The following YIPF5 variants were observed in gnomAD, a reference collection of about 807,000 sequenced individuals.
The protein encoded by YIPF5 is protein YIPF5.
YIPF5 carries 8 observed loss-of-function variants against 30.4 expected under a neutral mutation model. The ratio of observed to expected loss-of-function variants is 0.26; its 90% CI spans 0.15 to 0.47. YIPF5 has a LOEUF of 0.47. Ranked by LOEUF, YIPF5 falls within the 20% of genes least tolerant of loss-of-function variation. The pLI is 0.99. For missense variants in YIPF5, 282 were observed against 301.8 expected (o/e 0.93, Z 0.49); for synonymous variants, 104 against 107.9 (o/e 0.96, Z 0.23).
chr5:144,159,769 T>C lies in YIPF5; in HGVS notation c.*628A>G, dbSNP rs987233984. 4 of 810,372 alleles carry C rather than the reference T, an allele frequency of 4.9e-6. No individual in the cohort carries two copies. The highest frequency in any genetic ancestry group is 5.9e-6 in the Non-Finnish European group (4 of 677,274). The allele number at this position is 810,372 out of a possible 1,614,324, so 50.2% of individuals were successfully genotyped here. A position where few individuals can be genotyped will look rare whatever the true frequency, so the allele number is the denominator to read the frequency against. ...ACCCAGGCTGGATGGAGTGCAGTGG[T>C]GTGATCTCGGCTCACTGCAAGCTCC... is the stretch of plus-strand genomic sequence containing the variant. On this transcript the variant is annotated 3_prime_UTR_variant, in exon 6 of 6. Transcript: ENST00000274496.
chr5:144,159,126 G>A lies in YIPF5; in HGVS notation c.*1271C>T. ...ACAATAAAATAATGTAACTCAAACT[G>A]CTCATTTAATCCCCTTTTTGTCTGA... On this transcript the variant is annotated 3_prime_UTR_variant, in exon 6 of 6. Transcript: ENST00000274496. The A allele has an allele frequency of 1.0e-6, 1 of 982,794 alleles. No individual in the cohort carries two copies. The allele number at this position is 982,794 out of a possible 1,614,324, so 60.9% of individuals were successfully genotyped here. A position where few individuals can be genotyped will look rare whatever the true frequency, so the allele number is the denominator to read the frequency against.
At chr5:144,160,926 A>G (rs1254534519) in intron 5 of YIPF5, among the ~76,000 whole-genome samples, 2 of 152,200 alleles carry the variant, frequency 1.3e-5, no homozygotes, top group Non-Finnish European at 2.9e-5. Context: ...TACATAAGAT[A>G]TAAGTAGCAC....
chr5:144,165,509 G>C lies in YIPF5; in HGVS notation c.206C>G (p.Pro69Arg). Residue 69 changes from proline (P) to arginine (R), a missense_variant, in exon 3 of 6, where the codon CCA (proline) becomes CGA (arginine). Pro to Arg is a moderately radical substitution (Grantham distance 103). Coordinates refer to ENST00000274496, the MANE Select transcript of YIPF5 (RefSeq NM_030799.9). The stretch of plus-strand genomic sequence containing the variant: ...TGAAGCTGGAGTATATGCCTGAGTT[G>C]GCTGGTAAATCTGCCCGGTGTATGG... ...QQPYTGQIYQ[P>R]TQAYTPASPQ... 6.2e-7 allele frequency: 1 copy of C among 1,614,144 alleles called. No individual in the cohort carries two copies.
In YIPF5 at chr5:144,164,977, T is replaced by A. The variant is rs559730484; in HGVS notation, c.283+455A>T. On this transcript the variant is annotated intron_variant, in intron 3 of 5. Coordinates refer to ENST00000274496, the MANE Select transcript of YIPF5 (RefSeq NM_030799.9). ...ATGTGTGCATTTCTTCTGAGGAGAG[T>A]GTTCATACCTTTCATTAGATTTTCA... Among the ~76,000 whole-genome samples the A allele has an allele frequency of 5.3e-5, 8 of 152,118 alleles. No homozygotes were observed. In the East Asian group the frequency reaches 1.5e-3, roughly 29 times the overall value.
At chr5:144,168,933 G>C (rs964030878) in intron 2 of YIPF5, among the ~76,000 whole-genome samples, 1 of 152,076 alleles carries the variant, frequency 6.6e-6, no homozygotes, top group Non-Finnish European at 1.5e-5. Context: ...TTCAAATTCG[G>C]GATCCATGAT....
Position 144,160,578 on chromosome 5 carries a change from A to G in YIPF5, c.612-19T>C. The G allele has an allele frequency of 6.3e-7, 1 of 1,589,952 alleles. No homozygotes were observed. The highest frequency in any genetic ancestry group is 1.4e-5 in the African/African-American group (1 of 73,828). ...CATTCCTCTGTAAACAACAAGGAAA[A>G]AGGGGGGAGAAGAAAAAAAAGCAGA... On this transcript the variant is annotated intron_variant, in intron 5 of 5. Coordinates refer to ENST00000274496, the MANE Select transcript of YIPF5 (RefSeq NM_030799.9).
chr5:144,160,252 GA>G lies in YIPF5; in HGVS notation c.*144del. 1 of 1,473,842 alleles carries G rather than the reference GA, an allele frequency of 6.8e-7. No homozygotes were observed. Among genetic ancestry groups the G allele is most frequent in the Non-Finnish European group, 9.0e-7 (1 of 1,114,532 alleles). The allele number at this position is 1,473,842 out of a possible 1,614,324, so 91.3% of individuals were successfully genotyped here. A position where few individuals can be genotyped will look rare whatever the true frequency, so the allele number is the denominator to read the frequency against. ...GCAAAAGTTCTATAAAAATGAACAA[GA>G]GATACACGTTTACTTTCATTGCTCC... On this transcript the variant is annotated 3_prime_UTR_variant, in exon 6 of 6. Transcript: ENST00000274496.
At chr5:144,166,484 C>T (rs1312551600) in intron 2 of YIPF5, among the ~76,000 whole-genome samples, 20 of 152,102 alleles carry the variant, frequency 1.3e-4, no homozygotes, top group Admixed American at 1.3e-3. Flanking sequence ...AAAAGATATT[C>T]TTAAAAATGA....
intron 4 of YIPF5, 58 bp downstream of exon 4, chr5:144,164,053 T>C: frequency 1.3e-6 from 2 of 1,588,710 alleles, no homozygotes; most frequent in Non-Finnish European, 1.7e-6. Context: ...TGGTAGAACA[T>C]TTAAAATTTA....
rs774627617 is a variant in YIPF5, at chr5:144,165,555, C to T, written c.160G>A (p.Asp54Asn). 5.3e-5 allele frequency: 86 copies of T among 1,613,968 alleles called. 1 individual carries two copies. The South Asian group carries it at 9.0e-4, about 17-fold the overall frequency. ...YSQQGRFVPP[D>N]MMQPQQPYTG... ...TATGGCTGTTGTGGCTGCATCATGTCTGGAGGGACAAATCTGCCTTGCTGC... is the reference window on the plus strand; with the variant it reads ...TATGGCTGTTGTGGCTGCATCATGTTTGGAGGGACAAATCTGCCTTGCTGC... Residue 54 changes from aspartate to asparagine, a missense_variant, in exon 3 of 6, where the codon GAC becomes AAC. Physicochemically the swap from Asp to Asn is conservative, Grantham distance 23 (BLOSUM62 1). Transcript: ENST00000274496.
rs762658473 is a variant in YIPF5, at chr5:144,158,268, C to T, written c.*2129G>A. ...ATATACAACTCTGCATGTAATCAAA[C>T]TCTAGAACATCAAATGCAACTCCAC... On this transcript the variant is annotated 3_prime_UTR_variant, in exon 6 of 6. Coordinates refer to ENST00000274496, the MANE Select transcript of YIPF5 (RefSeq NM_030799.9). 30 of 458,698 alleles carry T rather than the reference C, an allele frequency of 6.5e-5. No homozygotes were observed. Among genetic ancestry groups the T allele is most frequent in the Non-Finnish European group, 9.8e-5 (27 of 276,228 alleles). The allele number at this position is 458,698 out of a possible 1,614,324, so 28.4% of individuals were successfully genotyped here.
intron 3 of YIPF5, among the ~76,000 whole-genome samples, chr5:144,164,968 T>C (rs1423574113): frequency 6.6e-6 from 1 of 152,208 alleles, no homozygotes; most frequent in African/African-American, 2.4e-5. Context: ...GCATTTCTTC[T>C]GAGGAGAGTG....
chr5:144,168,256 C>A (rs982201037), intron 2 of YIPF5, among the ~76,000 whole-genome samples: 1 of 151,908 alleles, frequency 6.6e-6, no homozygotes, highest in Admixed American at 6.6e-5. Flanking sequence ...GGGAATGAGA[C>A]TGTAAGTCAC....
At chr5:144,165,678 A>C in intron 2 of YIPF5, 74 bp from the exon 3 acceptor site, 1 of 1,438,442 alleles carries the variant, frequency 7.0e-7, no homozygotes, top group Middle Eastern at 2.1e-4. Context: ...AAATTCCTAA[A>C]TTTTCATGTG....
intron 5 of YIPF5, 78 bp downstream of exon 5, chr5:144,162,140 T>G: frequency 6.8e-7 from 1 of 1,463,354 alleles, no homozygotes; most frequent in East Asian, 2.3e-5. Context: ...ATCGGTGATT[T>G]ATCTCAAACT....
chr5:144,159,710 T>C lies in YIPF5; in HGVS notation c.*687A>G. 1 of 954,438 alleles carries C rather than the reference T, an allele frequency of 1.0e-6. No individual in the cohort carries two copies. The highest frequency in any genetic ancestry group is 1.2e-6 in the Non-Finnish European group (1 of 802,286). 59.1% of individuals were successfully genotyped at this position (954,438 alleles called of 1,614,324 possible). A position where few individuals can be genotyped will look rare whatever the true frequency, so the allele number is the denominator to read the frequency against. On this transcript the variant is annotated 3_prime_UTR_variant, in exon 6 of 6. Coordinates refer to ENST00000274496, the MANE Select transcript of YIPF5 (RefSeq NM_030799.9). The stretch of plus-strand genomic sequence containing the variant: ...TTGCAGTAAGTCTTGTGTCTCCTTT[T>C]TTTTTTTTTTTTGAGACAGAGTCTC...
Position 144,159,050 on chromosome 5 carries a change from C to T in YIPF5, c.*1347G>A. Reference sequence around the variant, plus strand: ...GTATACAAGATACAGTATTTTCCTACAGATTCTCTCTGGCAAGAGAACATG... The same window carrying T: ...GTATACAAGATACAGTATTTTCCTATAGATTCTCTCTGGCAAGAGAACATG... On this transcript the variant is annotated 3_prime_UTR_variant, in exon 6 of 6. Transcript: ENST00000274496. 1.0e-6 allele frequency: 1 copy of T among 984,252 alleles called. No individual in the cohort carries two copies. Among genetic ancestry groups the T allele is most frequent in the Non-Finnish European group, 1.2e-6 (1 of 828,964 alleles). The allele number at this position is 984,252 out of a possible 1,614,324, so 61.0% of individuals were successfully genotyped here.
chr5:144,159,137 C>T lies in YIPF5; in HGVS notation c.*1260G>A. 1.0e-6 allele frequency: 1 copy of T among 984,318 alleles called. No individual in the cohort carries two copies. The highest frequency in any genetic ancestry group is 1.2e-6 in the Non-Finnish European group (1 of 829,032). 61.0% of individuals were successfully genotyped at this position (984,318 alleles called of 1,614,324 possible). A position where few individuals can be genotyped will look rare whatever the true frequency, so the allele number is the denominator to read the frequency against. On this transcript the variant is annotated 3_prime_UTR_variant, in exon 6 of 6. Coordinates refer to ENST00000274496, the MANE Select transcript of YIPF5 (RefSeq NM_030799.9). The stretch of plus-strand genomic sequence containing the variant: ...ATGTAACTCAAACTGCTCATTTAAT[C>T]CCCTTTTTGTCTGATTCTATATTAG...
At position 144,158,818 on chromosome 5, in the gene YIPF5, A is replaced by G; in HGVS notation, c.*1579T>C. The G allele has an allele frequency of 1.0e-6, 1 of 984,420 alleles. No homozygotes were observed. The highest frequency in any genetic ancestry group is 1.2e-6 in the Non-Finnish European group (1 of 829,014). 61.0% of individuals were successfully genotyped at this position (984,420 alleles called of 1,614,324 possible). A position where few individuals can be genotyped will look rare whatever the true frequency, so the allele number is the denominator to read the frequency against. On this transcript the variant is annotated 3_prime_UTR_variant, in exon 6 of 6. Transcript: ENST00000274496. ...ACTTATGTGAATCAATAAATATGTT[A>G]TTTCTCTCAACCTCTTTTTATGCTT... is the stretch of plus-strand genomic sequence containing the variant.
Sources: gnomAD v4.1 joint callset for allele counts (sites outside exome capture counted in the v4.1 genomes callset) on GRCh38, gnomAD v4.1.1 for gene constraint, MANE v1.5 for transcripts, NCBI Gene and HGNC (gene_info 2026-07-23, HGNC 2026-07-21) for gene names.